Variants in GPC5 observed in about 807,000 individuals in gnomAD.
GPC5 encodes the protein glypican-5.
A neutral mutation model predicts 53.9 loss-of-function variants in GPC5; 47 were observed. That is an observed-to-expected ratio of 0.87 (90% CI 0.69 to 1.11). The LOEUF (loss-of-function observed/expected upper bound fraction) is 1.11. GPC5 is among the 50% of genes most tolerant of loss of function. The probability of loss-of-function intolerance (pLI) is 0.00; values close to 1 mark genes in which losing one functional copy is unlikely to be tolerated. For missense variants in GPC5, 748 were observed against 713.1 expected (o/e 1.05, Z -0.56); for synonymous variants, 286 against 263.3 (o/e 1.09, Z -0.84).
At chr13:92,839,398 G>A (rs1170440170) in intron 7 of GPC5, among the ~76,000 whole-genome samples, 3 of 152,032 alleles carry the variant, frequency 2.0e-5, no homozygotes, top group South Asian at 2.1e-4. Flanking sequence ...ATCTCATCAC[G>A]CAGGTATTAA....
intron 6 of GPC5, among the ~76,000 whole-genome samples, chr13:91,953,045 G>A (rs989680965): frequency 6.6e-6 from 1 of 152,144 alleles, no homozygotes; most frequent in African/African-American, 2.4e-5. Context: ...GAATATTAGA[G>A]ACTTTTAAAA....
At chr13:91,852,315 T>C (rs1178956112) in intron 5 of GPC5, among the ~76,000 whole-genome samples, 1 of 152,078 alleles carries the variant, frequency 6.6e-6, no homozygotes, top group Non-Finnish European at 1.5e-5. Flanking sequence ...ACGGTCAGGA[T>C]CATCAATATC....
intron 6 of GPC5, among the ~76,000 whole-genome samples, chr13:92,102,239 A>C (rs914820710): frequency 3.3e-5 from 5 of 152,202 alleles, no homozygotes; most frequent in African/African-American, 9.6e-5. Flanking sequence ...CATATGTCAG[A>C]AAAACAAAGA....
At chr13:91,760,335 A>G (rs2037383426) in intron 5 of GPC5, among the ~76,000 whole-genome samples, 1 of 152,184 alleles carries the variant, frequency 6.6e-6, no homozygotes, top group South Asian at 2.1e-4. Context: ...TCCTTGAGAA[A>G]AAATGAAGTA....
chr13:91,944,130 C>G (rs1352433089), intron 6 of GPC5, among the ~76,000 whole-genome samples: 1 of 151,520 alleles, frequency 6.6e-6, no homozygotes, highest in Non-Finnish European at 1.5e-5. Flanking sequence ...GAGTCTGGCT[C>G]TGTCGCCCAG....
chr13:92,261,119 T>C (rs1218957912), intron 7 of GPC5, among the ~76,000 whole-genome samples: 1 of 152,186 alleles, frequency 6.6e-6, no homozygotes, highest in Non-Finnish European at 1.5e-5. Context: ...TAGAAAGTCA[T>C]TAAATTACAT....
chr13:92,842,807 T>A (rs1878476039), intron 7 of GPC5, among the ~76,000 whole-genome samples: 1 of 152,078 alleles, frequency 6.6e-6, no homozygotes, highest in Non-Finnish European at 1.5e-5. Context: ...AACGGAATAT[T>A]TTCAAATTGC....
intron 7 of GPC5, among the ~76,000 whole-genome samples, chr13:92,378,115 A>G (rs2043709686): frequency 6.6e-6 from 1 of 152,152 alleles, no homozygotes; most frequent in Non-Finnish European, 1.5e-5. Flanking sequence ...CTAGAGCTCT[A>G]GGCTTAAATC....
chr13:92,445,454 A>G (rs61973621), intron 7 of GPC5, among the ~76,000 whole-genome samples: 13,688 of 135,252 alleles, frequency 0.1, 938 homozygotes, highest in African/African-American at 0.19. Context: ...TCCTAAAGCT[A>G]TCCCTCCTCC....
chr13:92,245,039 A>T (rs2042640291), intron 7 of GPC5, among the ~76,000 whole-genome samples: 1 of 81,158 alleles, frequency 1.2e-5, no homozygotes, highest in Non-Finnish European at 3.3e-5. Flanking sequence ...CTCCATCTGA[A>T]AAAAAAAAAA....
intron 7 of GPC5, among the ~76,000 whole-genome samples, chr13:92,281,689 G>A (rs1043457561): frequency 6.6e-6 from 1 of 152,212 alleles, no homozygotes; most frequent in Non-Finnish European, 1.5e-5. Context: ...TGAGGGTCCT[G>A]ACTGTTAGAA....
intron 2 of GPC5, among the ~76,000 whole-genome samples, chr13:91,596,007 T>C (rs1030423183): frequency 6.6e-6 from 1 of 152,240 alleles, no homozygotes; most frequent in Non-Finnish European, 1.5e-5. Flanking sequence ...TTCAAGTATT[T>C]CTTGCTTCAG....
chr13:91,410,029 A>G (rs1204382055), intron 1 of GPC5, among the ~76,000 whole-genome samples: 3 of 152,236 alleles, frequency 2.0e-5, no homozygotes, highest in African/African-American at 7.2e-5. Context: ...TTAGTGAATA[A>G]TGTGAATAAC....
intron 3 of GPC5, among the ~76,000 whole-genome samples, chr13:91,721,369 A>G (rs926640285): frequency 1.3e-5 from 2 of 152,100 alleles, no homozygotes; most frequent in Non-Finnish European, 2.9e-5. Flanking sequence ...TCCTGACCTC[A>G]TGCGATCTGC....
At chr13:92,604,622 A>C (rs754534488) in intron 7 of GPC5, among the ~76,000 whole-genome samples, 27 of 152,194 alleles carry the variant, frequency 1.8e-4, no homozygotes, top group Non-Finnish European at 4.4e-5. Flanking sequence ...TGTTTCTCAA[A>C]CTGAGTGAAA....
intron 2 of GPC5, among the ~76,000 whole-genome samples, chr13:91,595,026 ATTTATTTATT>A (rs1252912894): frequency 2.8e-5 from 4 of 144,266 alleles, no homozygotes; most frequent in Admixed American, 6.9e-5. Flanking sequence ...TTATTTATTT[ATTTATTTATT>A]TATTTCTAGA....
At chr13:92,758,233 CA>C (rs34172539) in intron 7 of GPC5, among the ~76,000 whole-genome samples, 25,503 of 148,614 alleles carry the variant, frequency 0.17, 2,561 homozygotes, top group Non-Finnish European at 0.24. Context: ...ATCGCAAGAA[CA>C]AAAAACCAAA....
intron 2 of GPC5, among the ~76,000 whole-genome samples, chr13:91,674,377 T>TTA (rs576931863): frequency 4.0e-4 from 59 of 147,442 alleles, no homozygotes; most frequent in East Asian, 1.6e-3. Context: ...CACTAACTCA[T>TTA]TATATATATA....
chr13:92,642,325 A>C (rs1885621488), intron 7 of GPC5, among the ~76,000 whole-genome samples: 1 of 152,164 alleles, frequency 6.6e-6, no homozygotes, highest in African/African-American at 2.4e-5. Flanking sequence ...CAGGGCTTCT[A>C]CCTTTCATAA....
Sources: gnomAD v4.1 joint callset for allele counts (sites outside exome capture counted in the v4.1 genomes callset) on GRCh38, gnomAD v4.1.1 for gene constraint, MANE v1.5 for transcripts, NCBI Gene and HGNC (gene_info 2026-07-23, HGNC 2026-07-21) for gene names.